Variants in PTK2 observed in about 807,000 individuals in gnomAD.
The protein encoded by PTK2 is protein tyrosine kinase 2, also known as focal adhesion kinase 1.
A neutral mutation model predicts 150.1 loss-of-function variants in PTK2; 45 were observed. The observed-to-expected ratio is 0.30, with a 90% CI of 0.24 to 0.38. The LOEUF (loss-of-function observed/expected upper bound fraction) is 0.38, where lower values mean the gene tolerates loss of function less well. Among genes scored for constraint, PTK2 ranks in the 10% least tolerant of loss-of-function variants. The probability of loss-of-function intolerance (pLI) is 1.00; values close to 1 mark genes in which losing one functional copy is unlikely to be tolerated. For missense variants in PTK2, 919 were observed against 1,307.3 expected (o/e 0.70, Z 4.58); for synonymous variants, 432 against 449.2 (o/e 0.96, Z 0.48).
intron 4 of PTK2, among the ~76,000 whole-genome samples, chr8:140,873,322 A>C (rs757549382): frequency 1.3e-5 from 2 of 152,216 alleles, no homozygotes; most frequent in Non-Finnish European, 2.9e-5. Context: ...CTGGAGGTAG[A>C]GTTTCACTAA....
intron 4 of PTK2, among the ~76,000 whole-genome samples, chr8:140,872,645 A>C (rs2100143210): frequency 6.6e-6 from 1 of 152,164 alleles, no homozygotes; most frequent in African/African-American, 2.4e-5. Flanking sequence ...GTTCCCCTGG[A>C]GCCTGTGGGG....
intron 1 of PTK2, among the ~76,000 whole-genome samples, chr8:140,988,378 A>G (rs538862995): frequency 1.3e-5 from 2 of 152,348 alleles, no homozygotes; most frequent in African/African-American, 2.4e-5. Flanking sequence ...TAAAGCTATA[A>G]TAACTTAGAC....
At chr8:140,682,029 A>G (rs1372122675) in intron 27 of PTK2, among the ~76,000 whole-genome samples, 1 of 152,250 alleles carries the variant, frequency 6.6e-6, no homozygotes, top group Non-Finnish European at 1.5e-5. Flanking sequence ...TTCTTTAAAG[A>G]GAATTTCAGG....
At chr8:140,958,795 T>A (rs990865860) in intron 1 of PTK2, among the ~76,000 whole-genome samples, 7 of 152,252 alleles carry the variant, frequency 4.6e-5, no homozygotes, top group Non-Finnish European at 7.3e-5. Context: ...TTCCTAAATT[T>A]AGCTTCTAGA....
At chr8:140,813,586 C>T (rs1051308558) in intron 10 of PTK2, among the ~76,000 whole-genome samples, 1 of 151,926 alleles carries the variant, frequency 6.6e-6, no homozygotes, top group East Asian at 1.9e-4. Context: ...TCAAGAAGTG[C>T]TTTGAAATGA....
At chr8:140,825,323 T>C (rs1370798804) in intron 8 of PTK2, among the ~76,000 whole-genome samples, 2 of 152,182 alleles carry the variant, frequency 1.3e-5, no homozygotes, top group Admixed American at 6.5e-5. Context: ...CGTACCAAGA[T>C]ATGCATTTCT....
At chr8:140,801,393 T>C (rs2100094925) in intron 11 of PTK2, among the ~76,000 whole-genome samples, 1 of 152,234 alleles carries the variant, frequency 6.6e-6, no homozygotes, top group African/African-American at 2.4e-5. Flanking sequence ...TAGGTAGTAT[T>C]TGCCAAATGG....
intron 1 of PTK2, among the ~76,000 whole-genome samples, chr8:140,961,419 T>C (rs1049434316): frequency 6.6e-6 from 1 of 152,152 alleles, no homozygotes; most frequent in Non-Finnish European, 1.5e-5. Context: ...CCCAGCACTT[T>C]TGGAGGCCAA....
intron 27 of PTK2, among the ~76,000 whole-genome samples, chr8:140,683,026 G>C (rs182374171): frequency 6.6e-6 from 1 of 152,070 alleles, no homozygotes; most frequent in Non-Finnish European, 1.5e-5. Flanking sequence ...ATGGAACTGA[G>C]ACATGAAAAA....
intron 1 of PTK2, among the ~76,000 whole-genome samples, chr8:140,945,284 A>G (rs972337453): frequency 2.0e-5 from 3 of 152,224 alleles, no homozygotes; most frequent in African/African-American, 2.4e-5. Flanking sequence ...GTTTTAGGAC[A>G]TTAATAATTT....
At chr8:140,804,156 C>T (rs907127964) in intron 10 of PTK2, among the ~76,000 whole-genome samples, 2 of 151,936 alleles carry the variant, frequency 1.3e-5, no homozygotes, top group Admixed American at 6.6e-5. Context: ...CTTCCCAATA[C>T]AGAATAACCT....
chr8:140,806,618 C>T (rs755097682), intron 10 of PTK2, among the ~76,000 whole-genome samples: 6 of 152,154 alleles, frequency 3.9e-5, no homozygotes, highest in Non-Finnish European at 7.3e-5. Flanking sequence ...TCCCCAAGGT[C>T]AGTCACATAA....
At chr8:140,963,139 CTA>C (rs149800310) in intron 1 of PTK2, among the ~76,000 whole-genome samples, 7,178 of 152,066 alleles carry the variant, frequency 0.047, 265 homozygotes, top group Non-Finnish European at 0.072. Flanking sequence ...CTAATACAGC[CTA>C]TATATGTTCT....
At chr8:140,949,744 G>C (rs1485290824) in intron 1 of PTK2, among the ~76,000 whole-genome samples, 1 of 152,148 alleles carries the variant, frequency 6.6e-6, no homozygotes, top group African/African-American at 2.4e-5. Flanking sequence ...TGCCATGGAT[G>C]GCTTGTTGAT....
chr8:140,771,316 C>T (rs1023954868), intron 14 of PTK2: 1 of 152,232 alleles, frequency 6.6e-6, no homozygotes, highest in Admixed American at 6.5e-5. Flanking sequence ...TCTTTGAAAA[C>T]ACAGGTTGCA....
At chr8:140,876,035 T>C (rs966502134) in intron 4 of PTK2, among the ~76,000 whole-genome samples, 4 of 152,232 alleles carry the variant, frequency 2.6e-5, no homozygotes, top group African/African-American at 9.6e-5. Flanking sequence ...ATTTTTTTCA[T>C]ACGATATTAA....
intron 14 of PTK2, among the ~76,000 whole-genome samples, chr8:140,783,793 C>T (rs139969072): frequency 1.7e-3 from 265 of 152,244 alleles, no homozygotes; most frequent in Admixed American, 2.5e-3. Context: ...AATTATGTTG[C>T]ATGATAAACA....
intron 24 of PTK2, among the ~76,000 whole-genome samples, chr8:140,704,030 A>T (rs1454946837): frequency 6.6e-6 from 1 of 152,236 alleles, no homozygotes; most frequent in Non-Finnish European, 1.5e-5. Flanking sequence ...ATCTTCAAGT[A>T]AGACATATAG....
At chr8:140,732,633 G>A (rs779702312) in intron 22 of PTK2, 3 of 504,252 alleles carry the variant, frequency 5.9e-6, no homozygotes, top group Non-Finnish European at 1.2e-5. Flanking sequence ...ACTAGACTGT[G>A]AGCTCCTCGA....
Sources: allele counts gnomAD v4.1 joint callset (sites outside exome capture counted in the v4.1 genomes callset), GRCh38; gene constraint gnomAD v4.1.1; transcripts MANE v1.5; gene names NCBI Gene and HGNC (gene_info 2026-07-23, HGNC 2026-07-21).